TRIM67: variants seen among roughly 807,000 people sequenced by gnomAD.
TRIM67 encodes the protein tripartite motif-containing protein 67.
Under a neutral mutation model 71.0 loss-of-function variants are expected in TRIM67, and 39 were observed. The ratio of observed to expected loss-of-function variants is 0.55; its 90% CI spans 0.43 to 0.72. The LOEUF is 0.72. Among genes scored for constraint, TRIM67 ranks in the 30% least tolerant of loss-of-function variants. The pLI, the probability that TRIM67 is intolerant of heterozygous loss-of-function variation, is 0.00. For missense variants in TRIM67, 973 were observed against 1,079.2 expected, an observed-to-expected ratio of 0.90 and a Z score of 1.38; for synonymous variants, 481 against 473.9, an observed-to-expected ratio of 1.01 and a Z score of -0.19.
At position 231,215,845 on chromosome 1, in the gene TRIM67, G is replaced by A. The variant is rs1684002025; in HGVS notation, c.*405G>A. 5.7e-5 allele frequency: 57 copies of A among 1,008,460 alleles called. No individual in the cohort carries two copies. The highest frequency in any genetic ancestry group is 1.4e-4 in the South Asian group (3 of 21,568). 62.5% of individuals were successfully genotyped at this position (1,008,460 alleles called of 1,614,324 possible). On this transcript the variant is annotated 3_prime_UTR_variant, in exon 10 of 10. Transcript: ENST00000366653. ...CCTGAGAGCGGCAGTCAGGAGCTGC[G>A]CTGTAATCCCACGCCCCGGGTGTTG...
chr1:231,204,035 G>T, intron 6 of TRIM67, 23 bp downstream of exon 6: 1 of 1,613,160 alleles, frequency 6.2e-7, no homozygotes, highest in Non-Finnish European at 8.5e-7. Flanking sequence ...TGCTTATTTG[G>T]CGGGGATTGA....
At chr1:231,169,301 C>T (rs571114185) in intron 1 of TRIM67, among the ~76,000 whole-genome samples, 3 of 151,454 alleles carry the variant, frequency 2.0e-5, no homozygotes, top group Admixed American at 1.3e-4. Context: ...GTGATCTGTC[C>T]GCCTTGGCCT....
At position 231,219,576 on chromosome 1, in the gene TRIM67, A is replaced by G. The variant is rs1278748887; in HGVS notation, c.*4136A>G. 1 of 1,104,434 alleles carries G rather than the reference A, an allele frequency of 9.1e-7. No individual in the cohort carries two copies. Among genetic ancestry groups the G allele is most frequent in the Non-Finnish European group, 1.1e-6 (1 of 900,272 alleles). 68.4% of individuals were successfully genotyped at this position (1,104,434 alleles called of 1,614,324 possible). On this transcript the variant is annotated 3_prime_UTR_variant, in exon 10 of 10. Coordinates refer to ENST00000366653, the MANE Select transcript of TRIM67 (RefSeq NM_001004342.5). ...CCTGTTGGGTCTTGAATTTTCACTCACTGAAGATGCCCCCTGCCCGCTCCC... is the reference window on the plus strand; with the variant it reads ...CCTGTTGGGTCTTGAATTTTCACTCGCTGAAGATGCCCCCTGCCCGCTCCC...
intron 1 of TRIM67, among the ~76,000 whole-genome samples, chr1:231,194,240 C>T (rs1276212867): frequency 6.6e-6 from 1 of 152,210 alleles, no homozygotes; most frequent in African/African-American, 2.4e-5. Context: ...TATTCTTTCC[C>T]TGTCCCTGAT....
At chr1:231,205,466 C>A (rs1683668516) in intron 6 of TRIM67, among the ~76,000 whole-genome samples, 2 of 152,138 alleles carry the variant, frequency 1.3e-5, no homozygotes, top group South Asian at 2.1e-4. Flanking sequence ...TGGCTCACAC[C>A]CGTAATCCCA....
At chr1:231,166,053 T>A (rs1682454426) in intron 1 of TRIM67, among the ~76,000 whole-genome samples, 1 of 152,232 alleles carries the variant, frequency 6.6e-6, no homozygotes, top group Admixed American at 6.5e-5. Flanking sequence ...CCTGGCTTGG[T>A]GTCAACAGCA....
intron 1 of TRIM67, among the ~76,000 whole-genome samples, chr1:231,164,695 G>A (rs1169513182): frequency 2.6e-5 from 4 of 152,130 alleles, no homozygotes; most frequent in Non-Finnish European, 4.4e-5. Flanking sequence ...AACAGTCACC[G>A]CAGAGGCAAG....
chr1:231,198,414 T>A (rs991722188), intron 2 of TRIM67, among the ~76,000 whole-genome samples: 1 of 151,604 alleles, frequency 6.6e-6, no homozygotes, highest in East Asian at 1.9e-4. Context: ...TGAGACAGAG[T>A]CTCACTCTGT....
At chr1:231,215,328 C>A in intron 9 of TRIM67, 47 bp from the exon 10 acceptor site, 1 of 1,596,806 alleles carries the variant, frequency 6.3e-7, no homozygotes, top group Admixed American at 1.7e-5. Context: ...CCTCAGGGTC[C>A]CTGCGGCAGC....
Position 231,210,760 on chromosome 1 carries a change from G to C in TRIM67, c.2123+1510G>C, listed in dbSNP as rs535769596. Among the ~76,000 whole-genome samples, 3 of 152,024 alleles carry C rather than the reference G, an allele frequency of 2.0e-5. No homozygotes were observed. In the South Asian group the frequency reaches 6.2e-4, roughly 32 times the overall value. On this transcript the variant is annotated intron_variant, in intron 8 of 9. Coordinates refer to ENST00000366653, the MANE Select transcript of TRIM67 (RefSeq NM_001004342.5). ...TACAGATTATAAAACTGGGGCTTAG[G>C]CTGGAATGGTGGCTTGCACCTGCAA...
At chr1:231,196,165 G>C (rs748165971) in intron 1 of TRIM67, among the ~76,000 whole-genome samples, 33 of 152,150 alleles carry the variant, frequency 2.2e-4, no homozygotes, top group Non-Finnish European at 3.8e-4. Context: ...TATTGCACAA[G>C]GTCGTGAGGA....
chr1:231,207,712 G>T (rs1282307031), intron 7 of TRIM67, among the ~76,000 whole-genome samples: 1 of 152,178 alleles, frequency 6.6e-6, no homozygotes, highest in Non-Finnish European at 1.5e-5. Context: ...TTCTGAAAAT[G>T]ATGCCACCTG....
intron 1 of TRIM67, among the ~76,000 whole-genome samples, chr1:231,170,566 T>G (rs982453450): frequency 6.6e-6 from 1 of 152,216 alleles, no homozygotes; most frequent in South Asian, 2.1e-4. Context: ...ATGGAAGGGC[T>G]TTTATGCCAG....
At chr1:231,164,432 T>C (rs1293765255) in intron 1 of TRIM67, among the ~76,000 whole-genome samples, 1 of 152,176 alleles carries the variant, frequency 6.6e-6, no homozygotes, top group Non-Finnish European at 1.5e-5. Flanking sequence ...AATGTGTCCT[T>C]GTATCTGATA....
At chr1:231,202,907 C>T (rs1419272270) in intron 5 of TRIM67, among the ~76,000 whole-genome samples, 1 of 152,100 alleles carries the variant, frequency 6.6e-6, no homozygotes, top group African/African-American at 2.4e-5. Flanking sequence ...CTGCTCCTAG[C>T]TGGATGTGGT....
chr1:231,197,244 A>G, intron 1 of TRIM67, 127 bp from the exon 2 acceptor site: 1 of 683,478 alleles, frequency 1.5e-6, no homozygotes, highest in Non-Finnish European at 2.5e-6. Flanking sequence ...CCCTTCATCA[A>G]TGAGAACAGC....
intron 1 of TRIM67, among the ~76,000 whole-genome samples, chr1:231,164,976 C>A (rs892797332): frequency 3.3e-5 from 5 of 152,238 alleles, no homozygotes; most frequent in Admixed American, 6.5e-5. Flanking sequence ...TAGGAATCCA[C>A]CTTTAAGAGG....
intron 1 of TRIM67, among the ~76,000 whole-genome samples, chr1:231,169,242 A>T (rs1364619642): frequency 6.6e-6 from 1 of 151,314 alleles, no homozygotes; most frequent in Non-Finnish European, 1.5e-5. Context: ...TTTAGTAGAG[A>T]CAGGGTTTTG....
intron 6 of TRIM67, among the ~76,000 whole-genome samples, chr1:231,206,041 G>A (rs1050304472): frequency 8.5e-5 from 13 of 152,232 alleles, no homozygotes; most frequent in Non-Finnish European, 1.5e-4. Flanking sequence ...CCAGTAGTAA[G>A]GCATTCATGC....
Sources: allele counts gnomAD v4.1 joint callset (sites outside exome capture counted in the v4.1 genomes callset), GRCh38; gene constraint gnomAD v4.1.1; transcripts MANE v1.5; gene names NCBI Gene and HGNC (gene_info 2026-07-23, HGNC 2026-07-21).